LRFN5: variants seen among roughly 807,000 people sequenced by gnomAD.
LRFN5 encodes leucine-rich repeat and fibronectin type-III domain-containing protein 5.
Under a neutral mutation model 45.6 loss-of-function variants are expected in LRFN5, and 24 were observed. The ratio of observed to expected loss-of-function variants is 0.53; its 90% CI spans 0.38 to 0.74. The LOEUF is 0.74. Ranked by LOEUF, LRFN5 falls within the 30% of genes least tolerant of loss-of-function variation. The probability of loss-of-function intolerance (pLI) is 0.00; values close to 1 mark genes in which losing one functional copy is unlikely to be tolerated. For synonymous variants in LRFN5, 340 were observed against 313.8 expected (o/e 1.08, Z -0.88); for missense variants, 776 against 861.5 (o/e 0.90, Z 1.24).
chr14:41,765,068 G>A (rs754135782), intron 1 of LRFN5, among the ~76,000 whole-genome samples: 8 of 152,006 alleles, frequency 5.3e-5, no homozygotes, highest in Non-Finnish European at 1.0e-4. Flanking sequence ...CAGGCCGGGC[G>A]TGGTGGCTGA....
At chr14:41,874,299 A>C (rs187525095) in intron 2 of LRFN5, among the ~76,000 whole-genome samples, 1 of 152,262 alleles carries the variant, frequency 6.6e-6, no homozygotes, top group Non-Finnish European at 1.5e-5. Context: ...ATACCTAATA[A>C]TGTTTTCTGG....
At chr14:41,765,755 A>G (rs1885860034) in intron 1 of LRFN5, among the ~76,000 whole-genome samples, 1 of 152,218 alleles carries the variant, frequency 6.6e-6, no homozygotes, top group African/African-American at 2.4e-5. Context: ...ATTCAGATAA[A>G]TAATTGAAAT....
At chr14:41,890,485 A>T (rs1027190339) in intron 3 of LRFN5, among the ~76,000 whole-genome samples, 3 of 151,474 alleles carry the variant, frequency 2.0e-5, no homozygotes, top group Admixed American at 2.0e-4. Context: ...AGGCGGGCGG[A>T]TCATGAGGTC....
intron 1 of LRFN5, among the ~76,000 whole-genome samples, chr14:41,733,191 T>C (rs1884257197): frequency 6.6e-6 from 1 of 152,052 alleles, no homozygotes; most frequent in Non-Finnish European, 1.5e-5. Context: ...TTTCCAAATT[T>C]GATGAAAGAC....
chr14:41,837,080 T>C lies in LRFN5; in HGVS notation c.-20-49526T>C, dbSNP rs573329641. The stretch of plus-strand genomic sequence containing the variant: ...AAGGAAAGAAGGTCAAGCCAGAACC[T>C]CTAGAGAATTGGAAGGTGAAAAATG... On this transcript the variant is annotated intron_variant, in intron 2 of 5. Transcript: ENST00000298119. Among the ~76,000 whole-genome samples, 12 of 150,408 alleles carry C rather than the reference T, an allele frequency of 8.0e-5. No homozygotes were observed. The South Asian group carries it at 1.5e-3, about 18-fold the overall frequency.
chr14:41,758,860 T>C (rs1885528388), intron 1 of LRFN5, among the ~76,000 whole-genome samples: 1 of 152,190 alleles, frequency 6.6e-6, no homozygotes, highest in African/African-American at 2.4e-5. Context: ...AATATTCTCT[T>C]CTTTTTGAGT....
At chr14:41,722,870 TG>T (rs1883785124) in intron 1 of LRFN5, among the ~76,000 whole-genome samples, 1 of 152,108 alleles carries the variant, frequency 6.6e-6, no homozygotes, top group Non-Finnish European at 1.5e-5. Context: ...GGGGACAAGA[TG>T]GGTGGGGCCA....
chr14:41,790,398 G>A lies in LRFN5; in HGVS notation c.-21+23369G>A, dbSNP rs577493352. Among the ~76,000 whole-genome samples, 6 of 151,712 alleles carry A rather than the reference G, an allele frequency of 4.0e-5. No homozygotes were observed. In the South Asian group the frequency reaches 8.3e-4, roughly 21 times the overall value. On this transcript the variant is annotated intron_variant, in intron 2 of 5. Transcript: ENST00000298119. ...CTTTAAAGGTACTACTAATGACATT[G>A]TTGATATTTTCTCTGGTATGTTTGT...
At chr14:41,795,237 AC>A (rs1887076557) in intron 2 of LRFN5, among the ~76,000 whole-genome samples, 1 of 152,132 alleles carries the variant, frequency 6.6e-6, no homozygotes, top group Non-Finnish European at 1.5e-5. Flanking sequence ...ATACCATCTC[AC>A]ACCAGTTAGA....
At chr14:41,823,975 T>G (rs1385539087) in intron 2 of LRFN5, among the ~76,000 whole-genome samples, 1 of 152,174 alleles carries the variant, frequency 6.6e-6, no homozygotes, top group Non-Finnish European at 1.5e-5. Context: ...AGCTTTCAAC[T>G]GTATTTTGTA....
At chr14:41,694,502 A>T (rs571806813) in intron 1 of LRFN5, among the ~76,000 whole-genome samples, 1 of 152,092 alleles carries the variant, frequency 6.6e-6, no homozygotes, top group Admixed American at 6.6e-5. Flanking sequence ...CATCCATGGT[A>T]TCCCAAATAA....
intron 1 of LRFN5, among the ~76,000 whole-genome samples, chr14:41,708,856 G>C (rs1009166611): frequency 1.3e-5 from 2 of 151,776 alleles, no homozygotes; most frequent in Non-Finnish European, 2.9e-5. Flanking sequence ...ACTTCCAACT[G>C]TTTTTATCAG....
At chr14:41,755,456 A>G (rs1885331790) in intron 1 of LRFN5, among the ~76,000 whole-genome samples, 1 of 152,162 alleles carries the variant, frequency 6.6e-6, no homozygotes, top group South Asian at 2.1e-4. Flanking sequence ...CTCCTGTATT[A>G]GGTGCCTATA....
intron 1 of LRFN5, among the ~76,000 whole-genome samples, chr14:41,621,084 G>C (rs745776629): frequency 6.6e-6 from 1 of 152,000 alleles, no homozygotes; most frequent in Non-Finnish European, 1.5e-5. Context: ...CTATATTTGT[G>C]TATATACTTT....
rs571425074 is a variant in LRFN5 at position 41,674,628 on chromosome 14, C to T, written c.-197+66066C>T. Among the ~76,000 whole-genome samples the T allele has an allele frequency of 6.1e-4, 91 of 148,602 alleles. 1 individual carries two copies. Among genetic ancestry groups the T allele is most frequent in the African/African-American group, 1.9e-3 (77 of 40,216 alleles). ...CTGACCCCCCCACCTCCCTCCTGGA[C>T]GGGGCGGTTGGCCAGGTGGGGGGCT... On this transcript the variant is annotated intron_variant, in intron 1 of 5. Transcript: ENST00000298119.
chr14:41,798,985 T>C (rs1887230437), intron 2 of LRFN5, among the ~76,000 whole-genome samples: 1 of 152,078 alleles, frequency 6.6e-6, no homozygotes, highest in Non-Finnish European at 1.5e-5. Context: ...GTGCTCTTTT[T>C]ATCATTTTAC....
intron 1 of LRFN5, among the ~76,000 whole-genome samples, chr14:41,719,257 G>A (rs146602058): frequency 6.3e-4 from 96 of 152,104 alleles, no homozygotes; most frequent in African/African-American, 2.3e-3. Context: ...GAAATATGAT[G>A]TCTATTTGTT....
chr14:41,624,381 T>G (rs1276805967), intron 1 of LRFN5, among the ~76,000 whole-genome samples: 1 of 152,122 alleles, frequency 6.6e-6, no homozygotes, highest in African/African-American at 2.4e-5. Context: ...GAGAATATAC[T>G]GTAATATAAT....
At position 41,837,219 on chromosome 14, in the gene LRFN5, G is replaced by C. The variant is rs1273495519; in HGVS notation, c.-20-49387G>C. Reference sequence around the variant, plus strand: ...CAAAAAAAAAAAAAAAAAAAAAAAAGCTAGCGTTTGAATAAATCTCAGTTA... The same window carrying C: ...CAAAAAAAAAAAAAAAAAAAAAAAACCTAGCGTTTGAATAAATCTCAGTTA... On this transcript the variant is annotated intron_variant, in intron 2 of 5. Transcript: ENST00000298119. Among the ~76,000 whole-genome samples the C allele has an allele frequency of 4.2e-5, 4 of 94,930 alleles. No homozygotes were observed. The South Asian group carries it at 1.3e-3, about 32-fold the overall frequency. The allele number at this position is 94,930 out of a possible 152,430, so 62.3% of individuals were successfully genotyped here.
Sources: allele counts gnomAD v4.1 joint callset (sites outside exome capture counted in the v4.1 genomes callset), GRCh38; gene constraint gnomAD v4.1.1; transcripts MANE v1.5; gene names NCBI Gene and HGNC (gene_info 2026-07-23, HGNC 2026-07-21).